Variants in CACHD1 observed in about 807,000 individuals in gnomAD.
CACHD1 encodes VWFA and cache domain-containing protein 1.
Under a neutral mutation model 138.7 loss-of-function variants are expected in CACHD1, and 71 were observed. The observed-to-expected ratio is 0.51, with a 90% confidence interval of 0.42 to 0.62. The LOEUF (loss-of-function observed/expected upper bound fraction) is 0.62. Among genes scored for constraint, CACHD1 ranks in the 20% least tolerant of loss-of-function variants. CACHD1 has a pLI of 0.00. For synonymous variants in CACHD1, 578 were observed against 591.5 expected (o/e 0.98, Z 0.33); for missense variants, 1,389 against 1,625.3 (o/e 0.85, Z 2.50).
chr1:64,665,798 C>T (rs1168306691), intron 15 of CACHD1, among the ~76,000 whole-genome samples: 1 of 152,006 alleles, frequency 6.6e-6, no homozygotes, highest in African/African-American at 2.4e-5. Context: ...GGGCGGATCA[C>T]GAGGTCAGGA....
chr1:64,534,797 T>G (rs1646618795), intron 1 of CACHD1, among the ~76,000 whole-genome samples: 1 of 152,224 alleles, frequency 6.6e-6, no homozygotes, highest in African/African-American at 2.4e-5. Context: ...AGGCTGAAGC[T>G]AGGACAATGG....
chr1:64,507,700 T>G (rs1244587541), intron 1 of CACHD1, among the ~76,000 whole-genome samples: 7 of 151,900 alleles, frequency 4.6e-5, no homozygotes, highest in Admixed American at 3.3e-4. Context: ...GAGCTGAGAG[T>G]GAGAATGGAA....
intron 1 of CACHD1, among the ~76,000 whole-genome samples, chr1:64,487,985 T>A (rs1208768302): frequency 4.6e-5 from 7 of 152,172 alleles, no homozygotes. Context: ...GATGCTTTTA[T>A]GATTTATGTT....
chr1:64,651,888 G>T (rs1649108475), intron 9 of CACHD1, among the ~76,000 whole-genome samples: 1 of 152,116 alleles, frequency 6.6e-6, no homozygotes, highest in South Asian at 2.1e-4. Context: ...ATCTTTTTAG[G>T]TGAAAAAGTA....
At chr1:64,477,986 C>T (rs1448558143) in intron 1 of CACHD1, among the ~76,000 whole-genome samples, 1 of 152,092 alleles carries the variant, frequency 6.6e-6, no homozygotes, top group Non-Finnish European at 1.5e-5. Context: ...TCATCTATGA[C>T]ATGTTTATTG....
At chr1:64,625,299 G>A (rs1171990830) in intron 4 of CACHD1, among the ~76,000 whole-genome samples, 2 of 152,174 alleles carry the variant, frequency 1.3e-5, no homozygotes, top group East Asian at 3.9e-4. Flanking sequence ...ACTTGGAAAG[G>A]TGAGAGGGTG....
At chr1:64,489,318 T>A (rs575608764) in intron 1 of CACHD1, among the ~76,000 whole-genome samples, 1 of 152,304 alleles carries the variant, frequency 6.6e-6, no homozygotes, top group Admixed American at 6.5e-5. Flanking sequence ...CTTTGTGGGC[T>A]TTGTGGATGT....
rs1648220155 is a variant in CACHD1 at position 64,629,336 on chromosome 1, A to G, written c.518-19A>G. 2 of 1,612,390 alleles carry G rather than the reference A, an allele frequency of 1.2e-6. No homozygotes were observed. The highest frequency in any genetic ancestry group is 1.7e-6 in the Non-Finnish European group (2 of 1,179,204). On this transcript the variant is annotated intron_variant, in intron 4 of 26. Coordinates refer to ENST00000651257, the MANE Select transcript of CACHD1 (RefSeq NM_020925.4). Reference sequence around the variant, plus strand: ...CCTGTGGATTTGGTGGTTATATTTCATTTTCCTTACACCTCTAGTTCTTGC... The same window carrying G: ...CCTGTGGATTTGGTGGTTATATTTCGTTTTCCTTACACCTCTAGTTCTTGC...
intron 1 of CACHD1, among the ~76,000 whole-genome samples, chr1:64,548,622 A>C (rs1411681698): frequency 1.3e-5 from 2 of 152,178 alleles, no homozygotes; most frequent in African/African-American, 4.8e-5. Flanking sequence ...CCCTGAATGT[A>C]AAACACCGGT....
rs536272993 is a variant in CACHD1, at chr1:64,536,364, C to A, written c.199-14230C>A. Among the ~76,000 whole-genome samples the A allele has an allele frequency of 7.2e-5, 11 of 152,270 alleles. No individual in the cohort carries two copies. In the South Asian group the frequency reaches 2.1e-3, roughly 29 times the overall value. Reference sequence around the variant, plus strand: ...CTTTCCACTACACAATGCTTCCCATCCAGGAACTCAAGCCAAATTAAATAT... The same window carrying A: ...CTTTCCACTACACAATGCTTCCCATACAGGAACTCAAGCCAAATTAAATAT... On this transcript the variant is annotated intron_variant, in intron 1 of 26. Coordinates refer to ENST00000651257, the MANE Select transcript of CACHD1 (RefSeq NM_020925.4).
At chr1:64,688,584 C>T (rs1487250504) in intron 26 of CACHD1, among the ~76,000 whole-genome samples, 5 of 152,120 alleles carry the variant, frequency 3.3e-5, no homozygotes, top group African/African-American at 1.2e-4. Context: ...ATGTCCTTGC[C>T]ATCTCCTCGA....
intron 1 of CACHD1, among the ~76,000 whole-genome samples, chr1:64,483,177 T>TCTA (rs1184017446): frequency 6.6e-6 from 1 of 152,230 alleles, no homozygotes; most frequent in Non-Finnish European, 1.5e-5. Flanking sequence ...ACATTAGGAC[T>TCTA]CTAAGTAGAC....
At chr1:64,680,492 A>G (rs1034419331) in intron 24 of CACHD1, among the ~76,000 whole-genome samples, 1 of 152,138 alleles carries the variant, frequency 6.6e-6, no homozygotes, top group Non-Finnish European at 1.5e-5. Flanking sequence ...CATCTGAAAA[A>G]AAAAAAAGTC....
intron 13 of CACHD1, among the ~76,000 whole-genome samples, chr1:64,660,453 C>T (rs1557544402): frequency 6.6e-6 from 1 of 151,382 alleles, no homozygotes; most frequent in Non-Finnish European, 1.5e-5. Context: ...AATTATAATG[C>T]TATTGTGGAT....
chr1:64,652,433 G>A lies in CACHD1; in HGVS notation c.1540+123G>A, dbSNP rs1048832954. ...AAAGAAGAGCATTGTGACTAAGATT[G>A]CTCATTTGTAGTAGAACACCGTAAA... On this transcript the variant is annotated intron_variant, in intron 10 of 26. Coordinates refer to ENST00000651257, the MANE Select transcript of CACHD1 (RefSeq NM_020925.4). 17 of 848,968 alleles carry A rather than the reference G, an allele frequency of 2.0e-5. No individual in the cohort carries two copies. In the African/African-American group the frequency reaches 2.8e-4, roughly 14 times the overall value. The allele number at this position is 848,968 out of a possible 1,614,324, so 52.6% of individuals were successfully genotyped here.
intron 16 of CACHD1, among the ~76,000 whole-genome samples, chr1:64,666,594 G>A (rs554742261): frequency 4.6e-5 from 7 of 152,134 alleles, no homozygotes; most frequent in Admixed American, 3.9e-4. Flanking sequence ...GAAGAAAAAC[G>A]GGGTGGGTTC....
At chr1:64,558,458 G>T (rs2100475510) in intron 2 of CACHD1, among the ~76,000 whole-genome samples, 1 of 152,180 alleles carries the variant, frequency 6.6e-6, no homozygotes, top group Middle Eastern at 3.4e-3. Context: ...CCTTTTCCTT[G>T]TTCCATATTT....
intron 1 of CACHD1, among the ~76,000 whole-genome samples, chr1:64,504,195 A>G (rs1230635833): frequency 1.3e-5 from 2 of 151,922 alleles, no homozygotes; most frequent in African/African-American, 4.8e-5. Flanking sequence ...TGCCTGGCTA[A>G]TTTTTGTATT....
chr1:64,552,275 G>A (rs761917220), intron 2 of CACHD1, among the ~76,000 whole-genome samples: 30 of 152,120 alleles, frequency 2.0e-4, no homozygotes, highest in Non-Finnish European at 3.5e-4. Flanking sequence ...GAACATCAGG[G>A]CTAGGCAACT....
Sources: gnomAD v4.1 joint callset for allele counts (sites outside exome capture counted in the v4.1 genomes callset) on GRCh38, gnomAD v4.1.1 for gene constraint, MANE v1.5 for transcripts, NCBI Gene and HGNC (gene_info 2026-07-23, HGNC 2026-07-21) for gene names.